PHF11: variants seen among roughly 807,000 people sequenced by gnomAD.
PHF11 encodes PHD finger protein 11, also known as BRCA1 C-terminus-associated protein.
In PHF11, 38 loss-of-function variants were observed where a neutral mutation model predicts 40.5. That is an observed-to-expected ratio of 0.94 (90% confidence interval 0.72 to 1.23). The LOEUF (loss-of-function observed/expected upper bound fraction) is 1.23. Ranked by LOEUF, PHF11 falls within the 50% of genes most tolerant of loss-of-function variation. The pLI, the probability that PHF11 is intolerant of heterozygous loss-of-function variation, is 0.00. For missense variants in PHF11, 369 were observed against 392.4 expected, an observed-to-expected ratio of 0.94 and a Z score of 0.50; for synonymous variants, 127 against 138.2, an observed-to-expected ratio of 0.92 and a Z score of 0.57.
Position 49,506,715 on chromosome 13 carries a change from T to A in PHF11, c.175T>A (p.Phe59Ile). The A allele has an allele frequency of 6.2e-7, 1 of 1,608,762 alleles. No homozygotes were observed. The highest frequency in any genetic ancestry group is 8.5e-7 in the Non-Finnish European group (1 of 1,175,842). The change falls in exon 2 of 10, where the codon TTT (phenylalanine) becomes ATT (isoleucine). Residue 59 changes from phenylalanine to isoleucine, a missense_variant. Transcript: ENST00000378319. ...PKDVEYNVLYFAQSENIAAHE... is the reference protein window; with the variant it reads ...PKDVEYNVLYIAQSENIAAHE... ...AGATGTCGAATATAATGTCCTATAC[T>A]TTGCACAATCAGAGAATATAGCTGC...
At chr13:49,528,408 G>C (rs1843306808) in intron 9 of PHF11, 103 bp from the exon 10 acceptor site, 1 of 783,340 alleles carries the variant, frequency 1.3e-6, no homozygotes, top group Non-Finnish European at 2.0e-6. Flanking sequence ...GAGGCACGAG[G>C]ATTGTGTATC....
intron 2 of PHF11, among the ~76,000 whole-genome samples, chr13:49,507,803 A>T (rs1959025481): frequency 6.6e-6 from 1 of 152,158 alleles, no homozygotes; most frequent in African/African-American, 2.4e-5. Flanking sequence ...ATACAGGAGG[A>T]TGTGTGTAGG....
intron 4 of PHF11, 51 bp from the exon 5 acceptor site, chr13:49,520,843 G>C: frequency 2.4e-6 from 3 of 1,268,114 alleles, no homozygotes; most frequent in Non-Finnish European, 3.3e-6. Flanking sequence ...CATAATATTT[G>C]AAACCTGTAA....
At position 49,518,223 on chromosome 13, in the gene PHF11, G is replaced by A. The variant is rs776670995; in HGVS notation, c.458+72G>A. The stretch of plus-strand genomic sequence containing the variant: ...AGGAATGGTTGGATTAAGACAAGGA[G>A]ACTTTGAAGACTAATTTTATGTAAA... On this transcript the variant is annotated intron_variant, in intron 4 of 9. Coordinates refer to ENST00000378319, the MANE Select transcript of PHF11 (RefSeq NM_001040443.3). The A allele has an allele frequency of 3.9e-6, 4 of 1,017,150 alleles. No individual in the cohort carries two copies. The Admixed American group carries it at 9.9e-5, about 25-fold the overall frequency. The allele number at this position is 1,017,150 out of a possible 1,614,324, so 63.0% of individuals were successfully genotyped here.
chr13:49,506,290 G>T (rs1039373598), intron 1 of PHF11, among the ~76,000 whole-genome samples: 8 of 151,486 alleles, frequency 5.3e-5, no homozygotes, highest in Non-Finnish European at 1.5e-5. Flanking sequence ...TAGTCCCAGT[G>T]ACTTGAGAGG....
chr13:49,496,829 C>CTTTTT (rs1958818949), intron 1 of PHF11, among the ~76,000 whole-genome samples: 1 of 93,638 alleles, frequency 1.1e-5, no homozygotes, highest in African/African-American at 4.3e-5. Flanking sequence ...CTGGGCTTAC[C>CTTTTT]CTTTTTTTTT....
At chr13:49,519,291 T>A (rs945863290) in intron 4 of PHF11, among the ~76,000 whole-genome samples, 1 of 152,188 alleles carries the variant, frequency 6.6e-6, no homozygotes, top group East Asian at 1.9e-4. Context: ...GTTTCATTTT[T>A]ATTATTTACC....
intron 1 of PHF11, among the ~76,000 whole-genome samples, chr13:49,506,277 C>T (rs1958987364): frequency 6.6e-6 from 1 of 151,612 alleles, no homozygotes; most frequent in Non-Finnish European, 1.5e-5. Context: ...TGGCATGCAC[C>T]TATAGTCCCA....
intron 5 of PHF11, 135 bp downstream of exon 5, chr13:49,521,075 A>G: frequency 7.2e-7 from 1 of 1,390,528 alleles, no homozygotes; most frequent in African/African-American, 1.5e-5. Context: ...CATCTAGAAA[A>G]TTGACAACTT....
At chr13:49,505,108 T>G (rs201510288) in intron 1 of PHF11, among the ~76,000 whole-genome samples, 1 of 76,026 alleles carries the variant, frequency 1.3e-5, no homozygotes, top group Non-Finnish European at 2.9e-5. Context: ...AAATAAAAAA[T>G]AAATAAAAAA....
chr13:49,498,106 T>G (rs897276051), intron 1 of PHF11, among the ~76,000 whole-genome samples: 1 of 152,240 alleles, frequency 6.6e-6, no homozygotes, highest in African/African-American at 2.4e-5. Flanking sequence ...GCCACTGGCA[T>G]GTAAATTCGT....
At chr13:49,501,816 G>A (rs898735992) in intron 1 of PHF11, among the ~76,000 whole-genome samples, 4 of 151,820 alleles carry the variant, frequency 2.6e-5, no homozygotes, top group South Asian at 2.1e-4. Flanking sequence ...TCAGCCTCCC[G>A]AGTAGCTGGG....
intron 3 of PHF11, among the ~76,000 whole-genome samples, chr13:49,515,487 CACACACACACACACACA>C (rs1289307180): frequency 1.8e-5 from 2 of 112,412 alleles, no homozygotes; most frequent in African/African-American, 6.9e-5. Flanking sequence ...CACACACACA[CACACACACACACACACA>C]TTCTCCATCT....
At chr13:49,514,599 G>GA (rs1032691655) in intron 3 of PHF11, among the ~76,000 whole-genome samples, 2 of 150,548 alleles carry the variant, frequency 1.3e-5, no homozygotes, top group Non-Finnish European at 3.0e-5. Flanking sequence ...TACCAAAAAA[G>GA]AAAAAAAAAT....
chr13:49,513,304 A>AACCTCAAT (rs1223420147), intron 3 of PHF11, 138 bp downstream of exon 3: 2 of 539,274 alleles, frequency 3.7e-6, no homozygotes, highest in Non-Finnish European at 6.5e-6. Context: ...CTGTATTGGA[A>AACCTCAAT]ACCTCAATTC....
At chr13:49,510,773 A>G (rs1474887072) in intron 2 of PHF11, among the ~76,000 whole-genome samples, 2 of 152,136 alleles carry the variant, frequency 1.3e-5, no homozygotes, top group African/African-American at 2.4e-5. Context: ...TCCCAGCCCA[A>G]TCGTGATGTT....
At chr13:49,513,344 T>TTG (rs922397043) in intron 3 of PHF11, among the ~76,000 whole-genome samples, 178 bp downstream of exon 3, 2 of 151,630 alleles carry the variant, frequency 1.3e-5, no homozygotes, top group African/African-American at 2.4e-5. Context: ...TTTTTTTTTT[T>TTG]TTTGAGACGG....
intron 6 of PHF11, among the ~76,000 whole-genome samples, chr13:49,522,911 T>C (rs1381277352): frequency 6.6e-6 from 1 of 151,866 alleles, no homozygotes; most frequent in Non-Finnish European, 1.5e-5. Context: ...ATTACAGGCA[T>C]GCACCACCAC....
chr13:49,516,311 A>G (rs994343999), intron 3 of PHF11, among the ~76,000 whole-genome samples: 7 of 152,032 alleles, frequency 4.6e-5, no homozygotes, highest in Admixed American at 4.6e-4. Context: ...TTTGTCCACT[A>G]CTGTTTTCCC....
Sources: gnomAD v4.1 joint callset for allele counts (sites outside exome capture counted in the v4.1 genomes callset) on GRCh38, gnomAD v4.1.1 for gene constraint, MANE v1.5 for transcripts, NCBI Gene and HGNC (gene_info 2026-07-23, HGNC 2026-07-21) for gene names.